The following COL11A1 variants were observed in gnomAD, a reference collection of about 807,000 sequenced individuals.
COL11A1 encodes collagen alpha-1(XI) chain.
Under a neutral mutation model 265.2 loss-of-function variants are expected in COL11A1, and 74 were observed. The ratio of observed to expected loss-of-function variants is 0.28; its 90% CI spans 0.23 to 0.34. The LOEUF (loss-of-function observed/expected upper bound fraction) is 0.34, where lower values mean the gene tolerates loss of function less well. COL11A1 is among the 10% of genes least tolerant of loss of function. The pLI is 1.00. For synonymous variants in COL11A1, 816 were observed against 727.6 expected (o/e 1.12, Z -1.96); for missense variants, 2,165 against 2,263.6 (o/e 0.96, Z 0.88).
In COL11A1 at chr1:102,929,730, A is replaced by T. The variant is rs990062778; in HGVS notation, c.3600+4719T>A. On this transcript the variant is annotated intron_variant, in intron 46 of 66. Transcript: ENST00000370096. ...TGATTCTTCCTACCCATTTGCATGG[A>T]ATGTTCTTCCATTTGTTTGTATCCT... 2.0e-5 allele frequency among the ~76,000 whole-genome samples: 3 copies of T among 151,858 alleles called. No homozygotes were observed. In the East Asian group the frequency reaches 5.8e-4, roughly 29 times the overall value.
At chr1:102,879,142 C>T (rs1053804372) in intron 66 of COL11A1, among the ~76,000 whole-genome samples, 1 of 151,990 alleles carries the variant, frequency 6.6e-6, no homozygotes, top group African/African-American at 2.4e-5. Flanking sequence ...CTTTTTAGGG[C>T]ACCTATTTAT....
At chr1:102,888,062 A>G (rs1651229537) in intron 62 of COL11A1, among the ~76,000 whole-genome samples, 1 of 152,204 alleles carries the variant, frequency 6.6e-6, no homozygotes, top group African/African-American at 2.4e-5. Flanking sequence ...ATATAGTTGG[A>G]AAGATTTTAG....
At chr1:103,060,821 C>T (rs1257586630) in intron 4 of COL11A1, among the ~76,000 whole-genome samples, 1 of 151,932 alleles carries the variant, frequency 6.6e-6, no homozygotes, top group Admixed American at 6.6e-5. Flanking sequence ...AAGAATCAGC[C>T]AGGCATGGTG....
At chr1:103,098,306 C>T (rs553896897) in intron 1 of COL11A1, among the ~76,000 whole-genome samples, 62 of 151,964 alleles carry the variant, frequency 4.1e-4, no homozygotes, top group African/African-American at 1.3e-3. Context: ...TGATGAATAG[C>T]CTTTCACTCG....
In COL11A1 at chr1:103,012,399, T is replaced by C. The variant is rs780721477; in HGVS notation, c.1629+14A>G. On this transcript the variant is annotated intron_variant, in intron 14 of 66. Coordinates refer to ENST00000370096, the MANE Select transcript of COL11A1 (RefSeq NM_001854.4). ...AAAATTTTAACATATATTATCTTTG[T>C]TGGGGTAACCTACCACAGGACCTGG... The C allele has an allele frequency of 6.2e-7, 1 of 1,609,406 alleles. No individual in the cohort carries two copies. The highest frequency in any genetic ancestry group is 8.5e-7 in the Non-Finnish European group (1 of 1,175,944).
intron 28 of COL11A1, among the ~76,000 whole-genome samples, chr1:102,991,426 G>A (rs1486396229): frequency 1.5e-5 from 2 of 131,696 alleles, no homozygotes; most frequent in African/African-American, 4.9e-5. Context: ...TCAATATAAG[G>A]CACCTCCCTT....
rs750845068 is a variant in COL11A1, at chr1:102,998,303, T to C, written c.2196+7A>G. ...GAAATTTTAATGACCAGGTAGCTGT[T>C]ACTTACAGGAGGCCCATCAGCACCA... On this transcript the variant is annotated splice_region_variant and intron_variant, in intron 25 of 66. Transcript: ENST00000370096. 35 of 1,606,038 alleles carry C rather than the reference T, an allele frequency of 2.2e-5. No homozygotes were observed. The South Asian group carries it at 3.7e-4, about 17-fold the overall frequency.
chr1:103,054,257 T>G (rs1161083801), intron 4 of COL11A1, among the ~76,000 whole-genome samples: 1 of 152,208 alleles, frequency 6.6e-6, no homozygotes, highest in Non-Finnish European at 1.5e-5. Flanking sequence ...TTTTCAATAA[T>G]TAAAAAGCCA....
intron 62 of COL11A1, 47 bp from the exon 63 acceptor site, chr1:102,887,103 T>A: frequency 2.5e-6 from 4 of 1,610,516 alleles, no homozygotes; most frequent in Non-Finnish European, 3.4e-6. Context: ...AAGTGGAATA[T>A]TCTGCAGATA....
intron 4 of COL11A1, among the ~76,000 whole-genome samples, chr1:103,067,258 C>T (rs1045167939): frequency 1.3e-5 from 2 of 151,858 alleles, no homozygotes; most frequent in African/African-American, 2.4e-5. Context: ...TATCAAACCT[C>T]AATAAATCTA....
rs768894797 is a variant in COL11A1 at position 103,022,990 on chromosome 1, G to T, written c.997C>A (p.Pro333Thr). ...RHVSGTNEPN[P>T]VEEIFTEEYL... ...TCTTCAGTAAATATTTCTTCAACTGGATTTGGCTATTAATTTAAATTGCAA... is the reference window on the plus strand; with the variant it reads ...TCTTCAGTAAATATTTCTTCAACTGTATTTGGCTATTAATTTAAATTGCAA... Residue 333 changes from proline (P) to threonine (T), a missense_variant, in exon 8 of 67, where the codon CCA (proline) becomes ACA (threonine). Pro to Thr is a conservative substitution (Grantham distance 38). Coordinates refer to ENST00000370096, the MANE Select transcript of COL11A1 (RefSeq NM_001854.4). 6.2e-7 allele frequency: 1 copy of T among 1,612,008 alleles called. No individual in the cohort carries two copies.
intron 46 of COL11A1, among the ~76,000 whole-genome samples, chr1:102,928,056 ACTTAT>A (rs1656840550): frequency 6.6e-6 from 1 of 151,894 alleles, no homozygotes; most frequent in Admixed American, 6.6e-5. Flanking sequence ...TGAAGTACTA[ACTTAT>A]CTTGTTATGA....
intron 1 of COL11A1, among the ~76,000 whole-genome samples, chr1:103,094,767 T>C (rs1430855190): frequency 6.6e-6 from 1 of 152,144 alleles, no homozygotes; most frequent in African/African-American, 2.4e-5. Flanking sequence ...ACAAAATATG[T>C]ATTAATCAAC....
chr1:102,985,709 G>C (rs1036686515), intron 30 of COL11A1, among the ~76,000 whole-genome samples: 1 of 152,070 alleles, frequency 6.6e-6, no homozygotes, highest in Non-Finnish European at 1.5e-5. Context: ...AGAACTGTGG[G>C]GTAGTTTAAG....
rs1420135182 is a variant in COL11A1, at chr1:102,997,241, A to G, written c.2197-117T>C. The G allele has an allele frequency of 2.6e-5, 25 of 970,596 alleles. No individual in the cohort carries two copies. In the Admixed American group the frequency reaches 3.2e-4, roughly 12 times the overall value. 60.1% of individuals were successfully genotyped at this position (970,596 alleles called of 1,614,324 possible). A position where few individuals can be genotyped will look rare whatever the true frequency, so the allele number is the denominator to read the frequency against. On this transcript the variant is annotated intron_variant, in intron 25 of 66. Coordinates refer to ENST00000370096, the MANE Select transcript of COL11A1 (RefSeq NM_001854.4). ...AGATCTTACTCTTTAAGTTTCAAAA[A>G]CATTGAACACTTTTGCATCAGTGTG... is the stretch of plus-strand genomic sequence containing the variant.
At chr1:102,951,563 C>G (rs1183797660) in intron 41 of COL11A1, among the ~76,000 whole-genome samples, 1 of 151,632 alleles carries the variant, frequency 6.6e-6, no homozygotes, top group Non-Finnish European at 1.5e-5. Flanking sequence ...GGCGTGGTGG[C>G]GTCTCTACTA....
In COL11A1 at chr1:102,946,885, C is replaced by T; in HGVS notation, c.3240G>A (p.Gln1080=). Residue 1080 remains glutamine (Q), a synonymous_variant, in exon 42 of 67, where the codon CAG becomes CAA. Transcript: ENST00000370096. The part of the protein sequence containing the change: ...PIGLPGRPGP[Q]GPPGPAGEKG... Reference sequence around the variant, plus strand: ...TCTCTCCAGCTGGACCAGGAGGACCCTGAGGTCCCGGGCGCCCTGGTAAAC... The same window carrying T: ...TCTCTCCAGCTGGACCAGGAGGACCTTGAGGTCCCGGGCGCCCTGGTAAAC... 1.2e-6 allele frequency: 2 copies of T among 1,613,608 alleles called. No individual in the cohort carries two copies. Among genetic ancestry groups the T allele is most frequent in the South Asian group, 1.1e-5 (1 of 90,950 alleles).
Position 103,036,382 on chromosome 1 carries a change from A to G in COL11A1, c.652-5138T>C, listed in dbSNP as rs549870963. 3.1e-3 allele frequency among the ~76,000 whole-genome samples: 459 copies of G among 147,206 alleles called. 2 individuals are homozygous for G. The highest frequency in any genetic ancestry group is 5.5e-3 in the Non-Finnish European group (366 of 66,964). ...TTATGTATATAAATATATATTATAT[A>G]TAATATAAATATATATCTATATATG... On this transcript the variant is annotated intron_variant, in intron 4 of 66. Transcript: ENST00000370096.
rs1655107294 is a variant in COL11A1 at position 102,914,757 on chromosome 1, C to T, written c.3871G>A (p.Gly1291Arg). Residue 1291 changes from glycine (G) to arginine (R), a missense_variant, in exon 51 of 67, where the codon GGA (glycine) becomes AGA (arginine). By Grantham distance (125) the Gly-to-Arg change is moderately radical (BLOSUM62 -2). Coordinates refer to ENST00000370096, the MANE Select transcript of COL11A1 (RefSeq NM_001854.4). Reference sequence around the variant, plus strand: ...GGTGGCCCCTTGGCACCTGGAGGTCCAGCAGCTCCAGGTGGACCAGCTTCC... The same window carrying T: ...GGTGGCCCCTTGGCACCTGGAGGTCTAGCAGCTCCAGGTGGACCAGCTTCC... ...KGEAGPPGAAGPPGAKGPPGD... is the reference protein window; with the variant it reads ...KGEAGPPGAARPPGAKGPPGD... 1 of 1,613,126 alleles carries T rather than the reference C, an allele frequency of 6.2e-7. No individual in the cohort carries two copies. The highest frequency in any genetic ancestry group is 8.5e-7 in the Non-Finnish European group (1 of 1,179,866).
Sources: gnomAD v4.1 joint callset for allele counts (sites outside exome capture counted in the v4.1 genomes callset) on GRCh38, gnomAD v4.1.1 for gene constraint, MANE v1.5 for transcripts, NCBI Gene and HGNC (gene_info 2026-07-23, HGNC 2026-07-21) for gene names.